KCNIP4: variants seen among roughly 807,000 people sequenced by gnomAD.
The protein encoded by KCNIP4 is Kv channel-interacting protein 4.
Under a neutral mutation model 34.0 loss-of-function variants are expected in KCNIP4, and 12 were observed. The observed-to-expected ratio is 0.35, with a 90% CI of 0.23 to 0.57. The LOEUF is 0.57. Among genes scored for constraint, KCNIP4 ranks in the 20% least tolerant of loss-of-function variants. The pLI, the probability that KCNIP4 is intolerant of heterozygous loss-of-function variation, is 0.83. For missense variants in KCNIP4, 238 were observed against 311.7 expected (o/e 0.76, Z 1.78); for synonymous variants, 124 against 102.2 (o/e 1.21, Z -1.29).
chr4:20,965,541 C>A (rs572290207), intron 1 of KCNIP4, among the ~76,000 whole-genome samples: 6 of 152,278 alleles, frequency 3.9e-5, no homozygotes, highest in African/African-American at 1.4e-4. Flanking sequence ...AATAATTATT[C>A]CAGGACTTAA....
intron 1 of KCNIP4, among the ~76,000 whole-genome samples, chr4:21,109,637 T>C (rs892430637): frequency 3.9e-5 from 6 of 152,174 alleles, no homozygotes; most frequent in Non-Finnish European, 8.8e-5. Flanking sequence ...TGGCACTCCC[T>C]AGTGAGACGA....
intron 1 of KCNIP4, chr4:21,846,101 G>C (rs1037242238): frequency 2.0e-5 from 3 of 151,748 alleles, no homozygotes; most frequent in African/African-American, 7.3e-5. Flanking sequence ...TTTTCCTATT[G>C]TGCTCTTTTC....
chr4:21,892,322 C>CAA (rs397762481), intron 1 of KCNIP4, among the ~76,000 whole-genome samples: 257 of 146,298 alleles, frequency 1.8e-3, no homozygotes, highest in South Asian at 3.9e-3. Context: ...TATCCAAATA[C>CAA]AAAAAAAAAA....
intron 1 of KCNIP4, among the ~76,000 whole-genome samples, chr4:21,876,815 T>C (rs1726143170): frequency 6.6e-6 from 1 of 152,146 alleles, no homozygotes. Context: ...TTATTTTATA[T>C]ACATGATAAA....
chr4:20,791,087 A>G (rs187670101), intron 3 of KCNIP4, among the ~76,000 whole-genome samples: 12 of 152,210 alleles, frequency 7.9e-5, no homozygotes, highest in Non-Finnish European at 1.8e-4. Context: ...TACATATACA[A>G]GGCAAACTAT....
intron 1 of KCNIP4, among the ~76,000 whole-genome samples, chr4:21,216,538 G>C (rs11938789): frequency 6.6e-6 from 1 of 152,014 alleles, no homozygotes. Context: ...GTGAAGACAC[G>C]GGGAGGAAGA....
At chr4:21,750,115 C>T (rs1301589619) in intron 1 of KCNIP4, among the ~76,000 whole-genome samples, 1 of 152,116 alleles carries the variant, frequency 6.6e-6, no homozygotes, top group Non-Finnish European at 1.5e-5. Flanking sequence ...GATATGAATC[C>T]TCCTTTTGTC....
At chr4:21,096,753 T>C (rs1026252928) in intron 1 of KCNIP4, among the ~76,000 whole-genome samples, 1 of 152,162 alleles carries the variant, frequency 6.6e-6, no homozygotes, top group Non-Finnish European at 1.5e-5. Flanking sequence ...TGAATAATTT[T>C]AATTTAAAGA....
intron 1 of KCNIP4, among the ~76,000 whole-genome samples, chr4:21,211,401 C>T (rs775848873): frequency 1.2e-4 from 18 of 152,124 alleles, no homozygotes; most frequent in Non-Finnish European, 1.8e-4. Context: ...TGAGCTCTAC[C>T]TTCTGTTGGA....
intron 1 of KCNIP4, among the ~76,000 whole-genome samples, chr4:21,293,947 T>C (rs1763692077): frequency 6.6e-6 from 1 of 152,158 alleles, no homozygotes; most frequent in African/African-American, 2.4e-5. Context: ...AGAGCCTTTG[T>C]TCTCCAGGTG....
At chr4:21,917,237 C>T (rs7356458) in intron 1 of KCNIP4, among the ~76,000 whole-genome samples, 36,991 of 151,932 alleles carry the variant, frequency 0.24, 5,319 homozygotes, top group East Asian at 0.61. Flanking sequence ...CGGGTTCACA[C>T]GATTCTCCTG....
At chr4:21,494,221 A>G (rs1379906329) in intron 1 of KCNIP4, among the ~76,000 whole-genome samples, 2 of 152,208 alleles carry the variant, frequency 1.3e-5, no homozygotes, top group East Asian at 1.9e-4. Flanking sequence ...CAAATATTAT[A>G]AAATCACATT....
chr4:21,688,536 C>A (rs1279251365), intron 1 of KCNIP4, among the ~76,000 whole-genome samples: 2 of 152,092 alleles, frequency 1.3e-5, no homozygotes, highest in Non-Finnish European at 2.9e-5. Context: ...ATGGGACAGA[C>A]AACTTGTACT....
At chr4:20,968,310 T>C (rs1013129370) in intron 1 of KCNIP4, among the ~76,000 whole-genome samples, 58 of 152,122 alleles carry the variant, frequency 3.8e-4, no homozygotes, top group Non-Finnish European at 6.5e-4. Flanking sequence ...GAAATAGGAA[T>C]GCTTTTACAC....
At chr4:21,187,180 C>G (rs983774682) in intron 1 of KCNIP4, among the ~76,000 whole-genome samples, 1 of 152,116 alleles carries the variant, frequency 6.6e-6, no homozygotes, top group Non-Finnish European at 1.5e-5. Context: ...AGTTACCATT[C>G]ACATAGGCTA....
intron 1 of KCNIP4, among the ~76,000 whole-genome samples, chr4:21,228,322 G>A (rs557659527): frequency 5.9e-5 from 9 of 152,236 alleles, no homozygotes; most frequent in Non-Finnish European, 8.8e-5. Flanking sequence ...GCTCTGCCAC[G>A]GTAAAACATG....
chr4:21,149,870 A>G (rs1482528322), intron 1 of KCNIP4, among the ~76,000 whole-genome samples: 5 of 152,208 alleles, frequency 3.3e-5, no homozygotes, highest in Non-Finnish European at 5.9e-5. Flanking sequence ...GGGAGGACAA[A>G]GGAATTATAA....
chr4:21,816,319 C>T (rs995469666), intron 1 of KCNIP4, among the ~76,000 whole-genome samples: 3 of 152,090 alleles, frequency 2.0e-5, no homozygotes, highest in Non-Finnish European at 4.4e-5. Flanking sequence ...TATCTATGGA[C>T]ATGTGATTAA....
At chr4:20,752,992 G>C (rs991261708) in intron 4 of KCNIP4, 1 of 152,152 alleles carries the variant, frequency 6.6e-6, no homozygotes, top group South Asian at 2.1e-4. Flanking sequence ...ACCTCTTCGT[G>C]ATCACATTCC....
Sources: allele counts gnomAD v4.1 joint callset (sites outside exome capture counted in the v4.1 genomes callset), GRCh38; gene constraint gnomAD v4.1.1; transcripts MANE v1.5; gene names NCBI Gene and HGNC (gene_info 2026-07-23, HGNC 2026-07-21).